Variants in ITGB1 observed in about 807,000 individuals in gnomAD.
The protein encoded by ITGB1 is integrin subunit beta 1, also known as integrin beta-1.
ITGB1 carries 24 observed loss-of-function variants against 86.5 expected under a neutral mutation model. The observed-to-expected ratio is 0.28, with a 90% CI of 0.20 to 0.39. The LOEUF (loss-of-function observed/expected upper bound fraction) is 0.39, where lower values mean the gene tolerates loss of function less well. ITGB1 is among the 10% of genes least tolerant of loss of function. The probability of loss-of-function intolerance (pLI) is 1.00; values close to 1 mark genes in which losing one functional copy is unlikely to be tolerated. For missense variants in ITGB1, 556 were observed against 946.9 expected (o/e 0.59, Z 5.42); for synonymous variants, 323 against 316.8 (o/e 1.02, Z -0.21).
At chr10:32,912,577 T>A (rs1195229828) in intron 11 of ITGB1, among the ~76,000 whole-genome samples, 1 of 152,102 alleles carries the variant, frequency 6.6e-6, no homozygotes, top group African/African-American at 2.4e-5. Context: ...AGCACAGCAG[T>A]CTGAGATTGA....
intron 1 of ITGB1, 126 bp downstream of exon 1, chr10:32,958,019 G>GCCCCCA (rs1244667381): frequency 1.2e-4 from 7 of 57,820 alleles, no homozygotes; most frequent in African/African-American, 2.6e-4. Flanking sequence ...CCCCGCCCCC[G>GCCCCCA]CCCCCACCCC....
Position 32,901,304 on chromosome 10 carries a change from A to G in ITGB1, c.*266T>C. The G allele has an allele frequency of 2.9e-6, 1 of 349,440 alleles. No homozygotes were observed. The highest frequency in any genetic ancestry group is 5.2e-6 in the Non-Finnish European group (1 of 193,440). The allele number at this position is 349,440 out of a possible 1,614,324, so 21.6% of individuals were successfully genotyped here. ...ACTTAATCCAATAAGCTTGATTTCA[A>G]TAGTCCAGGAAGAAAAGGTCAAAAA... On this transcript the variant is annotated 3_prime_UTR_variant, in exon 16 of 16. Transcript: ENST00000302278.
At position 32,900,791 on chromosome 10, in the gene ITGB1, C is replaced by T. The variant is rs1213036934; in HGVS notation, c.*779G>A. ...AAATAAATTCAACTCAAAAGGTCCCCATTCAGCAAATACTTTGTAAAGTAT... is the reference window on the plus strand; with the variant it reads ...AAATAAATTCAACTCAAAAGGTCCCTATTCAGCAAATACTTTGTAAAGTAT... On this transcript the variant is annotated 3_prime_UTR_variant, in exon 16 of 16. Coordinates refer to ENST00000302278, the MANE Select transcript of ITGB1 (RefSeq NM_002211.4). 1 of 152,036 alleles carries T rather than the reference C, an allele frequency of 6.6e-6. No homozygotes were observed. The highest frequency in any genetic ancestry group is 1.5e-5 in the Non-Finnish European group (1 of 67,872). The allele number at this position is 152,036 out of a possible 1,614,324, so 9.4% of individuals were successfully genotyped here.
chr10:32,929,967 T>C lies in ITGB1; in HGVS notation c.231A>G (p.Pro77=). ...LEALKKKGCP[P]DDIENPRGSK... is the part of the protein sequence containing the mutation. ...AGCCTCTGGGATTTTCTATGTCATC[T>C]GGAGGGCAACCCTTCTTTTTTAAGG... Residue 77 remains proline, a synonymous_variant, in exon 4 of 16, where the codon CCA becomes CCG. Transcript: ENST00000302278. 7.7e-7 allele frequency: 1 copy of C among 1,294,596 alleles called. No homozygotes were observed. The highest frequency in any genetic ancestry group is 1.2e-5 in the South Asian group (1 of 84,728). 80.2% of individuals were successfully genotyped at this position (1,294,596 alleles called of 1,614,324 possible).
At chr10:32,929,693 T>A (rs1222284384) in intron 4 of ITGB1, 129 bp downstream of exon 4, 2 of 655,550 alleles carry the variant, frequency 3.1e-6, no homozygotes, top group Non-Finnish European at 5.5e-6. Flanking sequence ...TTTAAACAAT[T>A]CCACATTTTT....
chr10:32,908,636 C>T (rs1593853464), intron 14 of ITGB1, 102 bp from the exon 15 acceptor site: 1 of 911,804 alleles, frequency 1.1e-6, no homozygotes, highest in East Asian at 2.6e-5. Context: ...GCACACTATC[C>T]CAAAGAATCT....
At position 32,914,569 on chromosome 10, in the gene ITGB1, C is replaced by T. The variant is rs571985600; in HGVS notation, c.1470-2445G>A. Among the ~76,000 whole-genome samples, 23 of 152,130 alleles carry T rather than the reference C, an allele frequency of 1.5e-4. No homozygotes were observed. The South Asian group carries it at 2.1e-3, about 14-fold the overall frequency. ...AACAAAGATCAAAAGGGACAAAGAACGCCATTACATAATGGTAAAGGGATC... is the reference window on the plus strand; with the variant it reads ...AACAAAGATCAAAAGGGACAAAGAATGCCATTACATAATGGTAAAGGGATC... On this transcript the variant is annotated intron_variant, in intron 11 of 15. Transcript: ENST00000302278.
chr10:32,914,041 C>T (rs896286813), intron 11 of ITGB1, among the ~76,000 whole-genome samples: 4 of 152,134 alleles, frequency 2.6e-5, no homozygotes, highest in Non-Finnish European at 5.9e-5. Context: ...AATTTTCAAC[C>T]CAGAATTTCA....
At chr10:32,907,610 C>T (rs898218065) in intron 15 of ITGB1, among the ~76,000 whole-genome samples, 48 of 152,246 alleles carry the variant, frequency 3.2e-4, no homozygotes, top group Admixed American at 9.2e-4. Context: ...AGATCCCTTA[C>T]GCCCCTCTGT....
chr10:32,952,559 T>C (rs1193324969), intron 1 of ITGB1, among the ~76,000 whole-genome samples: 1 of 152,176 alleles, frequency 6.6e-6, no homozygotes, highest in Non-Finnish European at 1.5e-5. Flanking sequence ...AGAAGAATAA[T>C]CTATTGCTAA....
At chr10:32,937,662 A>G (rs1010985808) in intron 1 of ITGB1, among the ~76,000 whole-genome samples, 7 of 152,134 alleles carry the variant, frequency 4.6e-5, no homozygotes, top group African/African-American at 1.7e-4. Flanking sequence ...GATGAGAAGA[A>G]TATAAAAATA....
rs2094943707 is a variant in ITGB1, at chr10:32,919,958, A to G, written c.1396T>C (p.Cys466Arg). The change falls in exon 11 of 16, where the codon TGC becomes CGC. Residue 466 changes from cysteine to arginine, a missense_variant. Physicochemically the swap from Cys to Arg is radical, Grantham distance 180. This residue lies in a region of ITGB1 where 330 missense variants were observed against 531.5 expected (regional missense o/e 0.62). Coordinates refer to ENST00000302278, the MANE Select transcript of ITGB1 (RefSeq NM_002211.4). ...VILQYICECE[C>R]QSEGIPESPK... is the part of the protein sequence containing the mutation. ...CTTTCAGGGATGCCTTCGCTTTGGCATTCACATTCACAGATGTACTGAAGA... is the reference window on the plus strand; with the variant it reads ...CTTTCAGGGATGCCTTCGCTTTGGCGTTCACATTCACAGATGTACTGAAGA... 1 of 1,614,002 alleles carries G rather than the reference A, an allele frequency of 6.2e-7. No homozygotes were observed. Among genetic ancestry groups the G allele is most frequent in the Non-Finnish European group, 8.5e-7 (1 of 1,180,018 alleles).
chr10:32,940,316 G>A (rs2137248999), intron 1 of ITGB1, among the ~76,000 whole-genome samples: 1 of 147,792 alleles, frequency 6.8e-6, no homozygotes, highest in Non-Finnish European at 1.5e-5. Flanking sequence ...CTGCACTCCA[G>A]CCTGGCGACA....
chr10:32,935,129 A>G (rs1016658930), intron 2 of ITGB1, among the ~76,000 whole-genome samples: 1 of 152,226 alleles, frequency 6.6e-6, no homozygotes, highest in Non-Finnish European at 1.5e-5. Context: ...TTTGCAGATA[A>G]TAATGGACAG....
chr10:32,922,494 T>A, intron 8 of ITGB1, 146 bp downstream of exon 8: 1 of 753,660 alleles, frequency 1.3e-6, no homozygotes, highest in Non-Finnish European at 2.2e-6. Flanking sequence ...AGTTTTATAA[T>A]ATGTGATTAA....
intron 1 of ITGB1, chr10:32,935,847 T>TA (rs1593877329): frequency 5.9e-3 from 1,415 of 238,606 alleles, no homozygotes; most frequent in South Asian, 8.8e-3. Context: ...TTAACAGCGC[T>TA]CAAAAAAAAA....
At position 32,916,306 on chromosome 10, in the gene ITGB1, G is replaced by T. The variant is rs530817738; in HGVS notation, c.1469+3579C>A. 3.3e-5 allele frequency among the ~76,000 whole-genome samples: 5 copies of T among 152,290 alleles called. No homozygotes were observed. The South Asian group carries it at 1.0e-3, about 32-fold the overall frequency. The stretch of plus-strand genomic sequence containing the variant: ...ATTCAACACAGTGTTGGAAGTTCTG[G>T]CCAGGGCAATCAGGCAGGAGAAAGA... On this transcript the variant is annotated intron_variant, in intron 11 of 15. Transcript: ENST00000302278.
rs764728304 is a variant in ITGB1, at chr10:32,935,599, A to G, written c.1-41T>C. 3.7e-6 allele frequency: 5 copies of G among 1,345,362 alleles called. No individual in the cohort carries two copies. In the East Asian group the frequency reaches 1.2e-4, roughly 31 times the overall value. 83.3% of individuals were successfully genotyped at this position (1,345,362 alleles called of 1,614,324 possible). A position where few individuals can be genotyped will look rare whatever the true frequency, so the allele number is the denominator to read the frequency against. ...TGCCTTATATTAGTTATAAAGAAAT[A>G]AAATGAAAAATGCATTAAATAGAAA... On this transcript the variant is annotated intron_variant, in intron 1 of 15. Coordinates refer to ENST00000302278, the MANE Select transcript of ITGB1 (RefSeq NM_002211.4).
chr10:32,927,860 T>C (rs1185348985), intron 5 of ITGB1, among the ~76,000 whole-genome samples: 1 of 152,094 alleles, frequency 6.6e-6, no homozygotes, highest in Admixed American at 6.5e-5. Context: ...CAAGTCATTA[T>C]CTATGAGGTA....
Sources: gnomAD v4.1 joint callset for allele counts (sites outside exome capture counted in the v4.1 genomes callset) on GRCh38, gnomAD v4.1.1 for gene constraint, gnomAD v4.1.1 regional missense constraint, MANE v1.5 for transcripts, NCBI Gene and HGNC (gene_info 2026-07-23, HGNC 2026-07-21) for gene names.